The following CDH13 variants were observed in gnomAD, a reference collection of about 807,000 sequenced individuals.
The protein encoded by CDH13 is cadherin 13.
Under a neutral mutation model 63.8 loss-of-function variants are expected in CDH13, and 24 were observed. The ratio of observed to expected loss-of-function variants is 0.38; its 90% CI spans 0.27 to 0.53. The LOEUF (loss-of-function observed/expected upper bound fraction) is 0.53. Ranked by LOEUF, CDH13 falls within the 20% of genes least tolerant of loss-of-function variation. The pLI is 0.85. For missense variants in CDH13, 1,049 were observed against 903.1 expected (o/e 1.16, Z -2.07); for synonymous variants, 503 against 355.3 (o/e 1.42, Z -4.67).
At chr16:82,892,267 A>G (rs2041106476) in intron 2 of CDH13, among the ~76,000 whole-genome samples, 2 of 152,184 alleles carry the variant, frequency 1.3e-5, no homozygotes, top group Admixed American at 1.3e-4. Flanking sequence ...AACACTCAAT[A>G]AGAATTTGCT....
chr16:83,153,551 C>T lies in CDH13; in HGVS notation c.483+28050C>T, dbSNP rs552986115. Reference sequence around the variant, plus strand: ...TTGTTTTAAACTATAAACTAAGCTCCTCCCAAAGTTAGTTCAGCCTATGCC... The same window carrying T: ...TTGTTTTAAACTATAAACTAAGCTCTTCCCAAAGTTAGTTCAGCCTATGCC... On this transcript the variant is annotated intron_variant, in intron 4 of 13. Transcript: ENST00000567109. Among the ~76,000 whole-genome samples the T allele has an allele frequency of 2.6e-5, 4 of 152,302 alleles. No individual in the cohort carries two copies. The South Asian group carries it at 8.3e-4, about 32-fold the overall frequency.
chr16:83,252,187 C>G (rs1419595817), intron 5 of CDH13, among the ~76,000 whole-genome samples: 4 of 147,774 alleles, frequency 2.7e-5, no homozygotes, highest in East Asian at 2.0e-4. Flanking sequence ...GCCTGGAAGT[C>G]TCCCCACCCC....
chr16:83,040,780 A>C (rs1215074414), intron 3 of CDH13, among the ~76,000 whole-genome samples: 1 of 152,202 alleles, frequency 6.6e-6, no homozygotes, highest in African/African-American at 2.4e-5. Context: ...CAGCATCCAA[A>C]GTACTTGGGA....
At chr16:82,714,841 G>A (rs959849527) in intron 1 of CDH13, among the ~76,000 whole-genome samples, 3 of 143,284 alleles carry the variant, frequency 2.1e-5, no homozygotes, top group African/African-American at 7.7e-5. Flanking sequence ...ATGACCAGAA[G>A]CTAAGAGAAC....
intron 2 of CDH13, among the ~76,000 whole-genome samples, chr16:82,879,650 A>G (rs1276546162): frequency 7.1e-6 from 1 of 139,896 alleles, no homozygotes; most frequent in African/African-American, 2.6e-5. Context: ...TGTTACATAT[A>G]TTTAGATATA....
At chr16:82,666,939 A>C (rs968748528) in intron 1 of CDH13, among the ~76,000 whole-genome samples, 1 of 152,174 alleles carries the variant, frequency 6.6e-6, no homozygotes, top group Admixed American at 6.5e-5. Context: ...TGCAGTGTGT[A>C]GTTTCTGCCC....
intron 6 of CDH13, among the ~76,000 whole-genome samples, chr16:83,394,013 G>A (rs974899218): frequency 4.6e-5 from 7 of 152,106 alleles, no homozygotes; most frequent in South Asian, 2.1e-4. Context: ...TCCAAATACC[G>A]CCTGTTCTCG....
chr16:83,133,949 G>A (rs564792208), intron 4 of CDH13, among the ~76,000 whole-genome samples: 3 of 152,304 alleles, frequency 2.0e-5, no homozygotes, highest in South Asian at 2.1e-4. Context: ...ACAGAGTAGC[G>A]ACTCAAATAT....
At chr16:83,004,375 G>A (rs571354477) in intron 2 of CDH13, among the ~76,000 whole-genome samples, 2 of 152,288 alleles carry the variant, frequency 1.3e-5, no homozygotes, top group Admixed American at 6.5e-5. Context: ...GCTAACAGCT[G>A]TAATAAAGAA....
chr16:82,777,854 C>A (rs996040400), intron 1 of CDH13, among the ~76,000 whole-genome samples: 2 of 152,144 alleles, frequency 1.3e-5, no homozygotes, highest in African/African-American at 2.4e-5. Flanking sequence ...ATGGAAGAAC[C>A]CTTTAATTCC....
intron 2 of CDH13, among the ~76,000 whole-genome samples, chr16:82,881,788 C>G (rs1021953793): frequency 2.6e-5 from 4 of 152,134 alleles, no homozygotes; most frequent in Admixed American, 1.3e-4. Flanking sequence ...AGGGGGCTGA[C>G]TATCTGAGTG....
At chr16:82,687,337 C>T (rs1206536011) in intron 1 of CDH13, among the ~76,000 whole-genome samples, 1 of 152,150 alleles carries the variant, frequency 6.6e-6, no homozygotes, top group Non-Finnish European at 1.5e-5. Context: ...TAAGTGATAT[C>T]AGCTGGAGGA....
chr16:82,986,822 C>T (rs1171744290), intron 2 of CDH13, among the ~76,000 whole-genome samples: 2 of 152,208 alleles, frequency 1.3e-5, no homozygotes, highest in Non-Finnish European at 2.9e-5. Flanking sequence ...GACCATATCT[C>T]ATTCTGTCAT....
At chr16:83,734,032 C>T (rs1016515620) in intron 10 of CDH13, among the ~76,000 whole-genome samples, 1 of 152,076 alleles carries the variant, frequency 6.6e-6, no homozygotes, top group Non-Finnish European at 1.5e-5. Context: ...GTTTAGTCAC[C>T]AGATTAAACC....
At chr16:83,392,792 C>A (rs1266479625) in intron 6 of CDH13, among the ~76,000 whole-genome samples, 2 of 151,984 alleles carry the variant, frequency 1.3e-5, no homozygotes, top group East Asian at 3.9e-4. Context: ...GCGGTGCCAT[C>A]TTTAAATTAT....
Position 82,889,630 on chromosome 16 carries a change from C to G in CDH13, c.157+31157C>G, listed in dbSNP as rs533761905. 7.2e-5 allele frequency among the ~76,000 whole-genome samples: 11 copies of G among 152,318 alleles called. 1 individual carries two copies. In the South Asian group the frequency reaches 2.3e-3, roughly 32 times the overall value. On this transcript the variant is annotated intron_variant, in intron 2 of 13. Coordinates refer to ENST00000567109, the MANE Select transcript of CDH13 (RefSeq NM_001257.5). Reference sequence around the variant, plus strand: ...CATGCTGGTTGATCAAATGTTGCATCTATATCTTTGTGATTAACACCTGAC... The same window carrying G: ...CATGCTGGTTGATCAAATGTTGCATGTATATCTTTGTGATTAACACCTGAC...
At chr16:83,400,928 G>C (rs2091958727) in intron 6 of CDH13, among the ~76,000 whole-genome samples, 1 of 152,154 alleles carries the variant, frequency 6.6e-6, no homozygotes, top group Non-Finnish European at 1.5e-5. Context: ...TGTTGGCCGG[G>C]TGTGGTGGCT....
intron 3 of CDH13, among the ~76,000 whole-genome samples, chr16:83,040,710 C>CTCACA (rs1567772653): frequency 6.6e-6 from 1 of 152,094 alleles, no homozygotes; most frequent in Non-Finnish European, 1.5e-5. Context: ...ACAGAAACAC[C>CTCACA]GGGGAACAAT....
chr16:82,731,009 T>A (rs1448717011), intron 1 of CDH13, among the ~76,000 whole-genome samples: 1 of 152,206 alleles, frequency 6.6e-6, no homozygotes, highest in Non-Finnish European at 1.5e-5. Flanking sequence ...TCCTATTATT[T>A]ATGTATGGTG....
Sources: allele counts gnomAD v4.1 joint callset (sites outside exome capture counted in the v4.1 genomes callset), GRCh38; gene constraint gnomAD v4.1.1; transcripts MANE v1.5; gene names NCBI Gene and HGNC (gene_info 2026-07-23, HGNC 2026-07-21).